MAPT: variants seen among roughly 807,000 people sequenced by gnomAD.
MAPT encodes the protein microtubule-associated protein tau.
In MAPT, 34 loss-of-function variants were observed where a neutral mutation model predicts 67.9. That is an observed-to-expected ratio of 0.50 (90% CI 0.38 to 0.67). MAPT has a LOEUF of 0.67. Among genes scored for constraint, MAPT ranks in the 30% least tolerant of loss-of-function variants. The pLI, the probability that MAPT is intolerant of heterozygous loss-of-function variation, is 0.00. For missense variants in MAPT, 881 were observed against 1,115.2 expected (o/e 0.79, Z 2.99); for synonymous variants, 456 against 464.5 (o/e 0.98, Z 0.23).
chr17:45,962,152 G>T (rs1039063979), intron 1 of MAPT, among the ~76,000 whole-genome samples, 169 bp from the exon 2 acceptor site: 3 of 152,136 alleles, frequency 2.0e-5, no homozygotes, highest in African/African-American at 7.2e-5. Flanking sequence ...TAACGCTTGG[G>T]CAGGAATATG....
At chr17:45,987,442 A>G (rs975349505) in intron 6 of MAPT, among the ~76,000 whole-genome samples, 7 of 152,222 alleles carry the variant, frequency 4.6e-5, no homozygotes, top group Non-Finnish European at 8.8e-5. Flanking sequence ...CTAGGACAGT[A>G]AATGAAGCCA....
intron 11 of MAPT, among the ~76,000 whole-genome samples, chr17:46,017,232 C>T (rs1402511486): frequency 6.6e-6 from 1 of 152,162 alleles, no homozygotes; most frequent in African/African-American, 2.4e-5. Context: ...CATGCCTTGT[C>T]CCATGCTTGG....
chr17:45,919,012 A>G (rs1239122792), intron 1 of MAPT, among the ~76,000 whole-genome samples: 1 of 151,870 alleles, frequency 6.6e-6, no homozygotes, highest in African/African-American at 2.4e-5. Context: ...CAGTGAGCCA[A>G]GATCGCCCCA....
chr17:45,911,886 G>A (rs965053887), intron 1 of MAPT, among the ~76,000 whole-genome samples: 3 of 152,218 alleles, frequency 2.0e-5, no homozygotes, highest in African/African-American at 7.2e-5. Flanking sequence ...AGGGTGGAGG[G>A]GAACAGGTCT....
In MAPT at chr17:45,983,818, GGGCCC is replaced by G; in HGVS notation, c.1240_1244del (p.Gly414LeufsTer10). The G allele has an allele frequency of 1.9e-6, 3 of 1,613,098 alleles. No individual in the cohort carries two copies. The highest frequency in any genetic ancestry group is 2.5e-6 in the Non-Finnish European group (3 of 1,179,906). On this transcript the variant is annotated frameshift_variant, in exon 5 of 13. Coordinates refer to ENST00000262410, the MANE Select transcript of MAPT (RefSeq NM_001377265.1). LOFTEE classifies it high-confidence loss of function. ...CCCCTGGAGAGGGGCCAGAGGCCCG[GGGCCC>G]CTCTTTGGGAGAGGACACAAAAGAG...
intron 2 of MAPT, among the ~76,000 whole-genome samples, chr17:45,966,979 C>T (rs941196286): frequency 4.6e-5 from 7 of 152,180 alleles, no homozygotes; most frequent in African/African-American, 1.7e-4. Context: ...CTACTGAAAG[C>T]TTACAAGGAG....
At chr17:45,998,602 C>G (rs2074712074) in intron 9 of MAPT, among the ~76,000 whole-genome samples, 1 of 152,188 alleles carries the variant, frequency 6.6e-6, no homozygotes, top group Non-Finnish European at 1.5e-5. Flanking sequence ...TTTTCCTGCT[C>G]AGGCATGTGG....
intron 9 of MAPT, among the ~76,000 whole-genome samples, chr17:45,998,901 TG>T (rs959468845): frequency 7.2e-5 from 11 of 152,050 alleles, no homozygotes; most frequent in African/African-American, 2.7e-4. Flanking sequence ...GGGCCCTCAC[TG>T]GCCTTTCCTG....
intron 3 of MAPT, chr17:45,973,650 G>C (rs1163783629): frequency 6.6e-6 from 1 of 152,254 alleles, no homozygotes; most frequent in East Asian, 1.9e-4. Flanking sequence ...ACCCGGAAAG[G>C]CCTGGGAGTG....
intron 1 of MAPT, among the ~76,000 whole-genome samples, chr17:45,918,968 G>A (rs1245160862): frequency 1.3e-5 from 2 of 151,786 alleles, no homozygotes; most frequent in Non-Finnish European, 2.9e-5. Context: ...AGGCTGAGGT[G>A]GAAGAATTGC....
At chr17:46,014,436 T>A in intron 11 of MAPT, 112 bp downstream of exon 11, 1 of 787,360 alleles carries the variant, frequency 1.3e-6, no homozygotes, top group Non-Finnish European at 2.2e-6. Flanking sequence ...ATATTTTAGG[T>A]AGACCTACAT....
In MAPT at chr17:45,983,392, G is replaced by C. The variant is rs2073182557; in HGVS notation, c.813G>C (p.Leu271=). 6.2e-7 allele frequency: 1 copy of C among 1,607,282 alleles called. No homozygotes were observed. Among genetic ancestry groups the C allele is most frequent in the African/African-American group, 1.3e-5 (1 of 74,778 alleles). The change falls in exon 5 of 13, where the codon CTG becomes CTC. Residue 271 remains leucine (L), a synonymous_variant. Coordinates refer to ENST00000262410, the MANE Select transcript of MAPT (RefSeq NM_001377265.1). ...ELLKHQLLGD[L]HQEGPPLKGA... is the part of the protein sequence containing the mutation. ...TCAAGCACCAGCTTCTAGGAGACCTGCACCAGGAGGGGCCGCCGCTGAAGG... is the reference window on the plus strand; with the variant it reads ...TCAAGCACCAGCTTCTAGGAGACCTCCACCAGGAGGGGCCGCCGCTGAAGG...
At chr17:46,011,344 C>T (rs1450408114) in intron 10 of MAPT, among the ~76,000 whole-genome samples, 1 of 152,160 alleles carries the variant, frequency 6.6e-6, no homozygotes, top group Non-Finnish European at 1.5e-5. Context: ...TGCAAGGAGC[C>T]ATGATCGCGC....
rs969923991 is a variant in MAPT at position 45,996,692 on chromosome 17, T to C, written c.1998+28T>C. ...GAGAGTGGCTGGCTGCGCGTGGAGG[T>C]GTGGGGGGCTGCGCCTGGAGGGGTA... On this transcript the variant is annotated intron_variant, in intron 9 of 12. Transcript: ENST00000262410. The surrounding 1 kb of genome is among the most constrained non-coding windows in gnomAD (Gnocchi z 4.5). The C allele has an allele frequency of 1.9e-6, 3 of 1,607,634 alleles. No individual in the cohort carries two copies. Among genetic ancestry groups the C allele is most frequent in the African/African-American group, 1.4e-5 (1 of 73,736 alleles).
At chr17:45,900,194 A>G (rs899204508) in intron 1 of MAPT, among the ~76,000 whole-genome samples, 5 of 152,176 alleles carry the variant, frequency 3.3e-5, no homozygotes, top group South Asian at 2.1e-4. Context: ...AGGCTTTGCA[A>G]TAAGTATTCC....
intron 1 of MAPT, among the ~76,000 whole-genome samples, chr17:45,942,373 C>T (rs1011683032): frequency 3.9e-5 from 6 of 152,196 alleles, no homozygotes; most frequent in Admixed American, 6.5e-5. Flanking sequence ...TGGCTCTGTC[C>T]CCAGGGTGTC....
chr17:45,968,589 A>C (rs2071329609), intron 2 of MAPT, among the ~76,000 whole-genome samples: 1 of 152,190 alleles, frequency 6.6e-6, no homozygotes, highest in African/African-American at 2.4e-5. Context: ...GGGGTATGTG[A>C]CTACAACGTG....
chr17:45,991,888 G>A (rs1476465198), intron 8 of MAPT, among the ~76,000 whole-genome samples: 2 of 151,588 alleles, frequency 1.3e-5, no homozygotes, highest in Non-Finnish European at 1.5e-5. Context: ...AGGTTCAAGC[G>A]ATTCTCCTAC....
chr17:45,995,848 C>T lies in MAPT; in HGVS notation c.1733-551C>T, dbSNP rs948808007. Reference sequence around the variant, plus strand: ...CTAGCCGAACAGCTGAACAGCTGAACATTCACCCTGTGGGGAAAGGGTCAG... The same window carrying T: ...CTAGCCGAACAGCTGAACAGCTGAATATTCACCCTGTGGGGAAAGGGTCAG... On this transcript the variant is annotated intron_variant, in intron 8 of 12. Transcript: ENST00000262410. The surrounding 1 kb of genome is among the most constrained non-coding windows in gnomAD (Gnocchi z 4.3). 6.6e-6 allele frequency among the ~76,000 whole-genome samples: 1 copy of T among 152,168 alleles called. No homozygotes were observed. The highest frequency in any genetic ancestry group is 1.5e-5 in the Non-Finnish European group (1 of 68,036).
Sources: allele counts gnomAD v4.1 joint callset (sites outside exome capture counted in the v4.1 genomes callset), GRCh38; gene constraint gnomAD v4.1.1; non-coding constraint Gnocchi (gnomAD v3.1); transcripts MANE v1.5; gene names NCBI Gene and HGNC (gene_info 2026-07-23, HGNC 2026-07-21).